Variants in GULP1 observed in about 807,000 individuals in gnomAD.
GULP1 encodes the protein GULP PTB domain containing engulfment adaptor 1.
Under a neutral mutation model 40.9 loss-of-function variants are expected in GULP1, and 19 were observed. That is an observed-to-expected ratio of 0.46 (90% CI 0.32 to 0.68). The LOEUF (loss-of-function observed/expected upper bound fraction) is 0.68, where lower values mean the gene tolerates loss of function less well. GULP1 is among the 30% of genes least tolerant of loss of function. GULP1 has a pLI of 0.03. For missense variants in GULP1, 312 were observed against 362.2 expected, an observed-to-expected ratio of 0.86 and a Z score of 1.12; for synonymous variants, 119 against 117.6, an observed-to-expected ratio of 1.01 and a Z score of -0.08.
chr2:188,442,746 G>A (rs2058046370), intron 2 of GULP1, among the ~76,000 whole-genome samples: 1 of 152,138 alleles, frequency 6.6e-6, no homozygotes, highest in African/African-American at 2.4e-5. Flanking sequence ...ACTAATAGCT[G>A]TTAATATCTT....
At chr2:188,400,003 AAGAT>A (rs879471149) in intron 2 of GULP1, among the ~76,000 whole-genome samples, 7 of 152,184 alleles carry the variant, frequency 4.6e-5, no homozygotes, top group African/African-American at 7.2e-5. Flanking sequence ...CAATAAGTCT[AAGAT>A]AGGAGGCATA....
chr2:188,538,393 A>G (rs531919724), intron 6 of GULP1, among the ~76,000 whole-genome samples: 4 of 152,192 alleles, frequency 2.6e-5, no homozygotes, highest in Non-Finnish European at 5.9e-5. Context: ...CTTAATGAAA[A>G]AGAAGCATCT....
intron 4 of GULP1, among the ~76,000 whole-genome samples, chr2:188,497,805 GT>G (rs1461037745): frequency 6.6e-6 from 1 of 151,886 alleles, no homozygotes; most frequent in Non-Finnish European, 1.5e-5. Context: ...CAAAGAAAAT[GT>G]TATGGTATAC....
intron 1 of GULP1, among the ~76,000 whole-genome samples, chr2:188,349,453 A>G (rs577864617): frequency 6.0e-4 from 92 of 152,270 alleles, no homozygotes; most frequent in African/African-American, 2.1e-3. Flanking sequence ...GTGTAGTGGC[A>G]TCTCTTTGTG....
In GULP1 at chr2:188,332,378, C is replaced by T. The variant is rs550459066; in HGVS notation, c.-172+40212C>T. ...CTAATTTTTGTATTTTTAGTAGAGACGAGGTTTCGCCATGTTGGCCAGGCT... is the reference window on the plus strand; with the variant it reads ...CTAATTTTTGTATTTTTAGTAGAGATGAGGTTTCGCCATGTTGGCCAGGCT... On this transcript the variant is annotated intron_variant, in intron 1 of 11. Transcript: ENST00000409830. Among the ~76,000 whole-genome samples the T allele has an allele frequency of 8.6e-5, 13 of 151,994 alleles. No homozygotes were observed. The South Asian group carries it at 1.7e-3, about 19-fold the overall frequency.
rs559113263 is a variant in GULP1 at position 188,558,619 on chromosome 2, G to A, written c.400-10620G>A. ...GGCAGAGGGTGGAACAGTTTGGAGG[G>A]CTCAGAAGAAGACAGGGAAATGTGG... On this transcript the variant is annotated intron_variant, in intron 7 of 11. Coordinates refer to ENST00000409830, the MANE Select transcript of GULP1 (RefSeq NM_016315.4). Among the ~76,000 whole-genome samples the A allele has an allele frequency of 2.2e-4, 33 of 152,276 alleles. 1 individual carries two copies. The South Asian group carries it at 4.8e-3, about 22-fold the overall frequency.
chr2:188,570,866 T>A (rs1265667532), intron 9 of GULP1, among the ~76,000 whole-genome samples: 1 of 152,162 alleles, frequency 6.6e-6, no homozygotes, highest in East Asian at 1.9e-4. Context: ...TTAAAAATAT[T>A]TAATATCTAT....
intron 4 of GULP1, among the ~76,000 whole-genome samples, chr2:188,498,318 G>A (rs535311949): frequency 1.2e-4 from 18 of 151,824 alleles, no homozygotes; most frequent in African/African-American, 3.9e-4. Context: ...CTGAGATAGG[G>A]GATAATGAGG....
intron 4 of GULP1, among the ~76,000 whole-genome samples, chr2:188,483,714 G>A (rs1201325125): frequency 3.9e-5 from 6 of 152,072 alleles, no homozygotes; most frequent in African/African-American, 1.4e-4. Flanking sequence ...AGTCAAACGT[G>A]TTTTCTTCAA....
At chr2:188,412,504 G>A (rs899957862) in intron 2 of GULP1, among the ~76,000 whole-genome samples, 1 of 152,046 alleles carries the variant, frequency 6.6e-6, no homozygotes, top group South Asian at 2.1e-4. Flanking sequence ...AATCATTGTT[G>A]TGTCCTCTGG....
intron 1 of GULP1, among the ~76,000 whole-genome samples, chr2:188,344,773 C>T (rs1016740450): frequency 6.6e-6 from 1 of 152,104 alleles, no homozygotes; most frequent in African/African-American, 2.4e-5. Context: ...AGATGTGACA[C>T]TCTTGGATTT....
chr2:188,478,253 T>C (rs975976086), intron 3 of GULP1, among the ~76,000 whole-genome samples: 1 of 152,142 alleles, frequency 6.6e-6, no homozygotes, highest in African/African-American at 2.4e-5. Flanking sequence ...TAGTATATTA[T>C]AGTGATCACT....
intron 1 of GULP1, among the ~76,000 whole-genome samples, chr2:188,376,397 T>C: frequency 6.6e-6 from 1 of 152,190 alleles, no homozygotes; most frequent in East Asian, 1.9e-4. Context: ...AAATATATAA[T>C]AATGACATTA....
intron 2 of GULP1, among the ~76,000 whole-genome samples, chr2:188,467,778 G>GA (rs1308701953): frequency 6.6e-6 from 1 of 151,994 alleles, no homozygotes; most frequent in Admixed American, 6.6e-5. Flanking sequence ...TAAAAGATAT[G>GA]AAAAAATAAA....
intron 2 of GULP1, among the ~76,000 whole-genome samples, chr2:188,386,785 G>A (rs2049819601): frequency 6.6e-6 from 1 of 151,996 alleles, no homozygotes; most frequent in Non-Finnish European, 1.5e-5. Flanking sequence ...ACTGATTAGT[G>A]TTTTCTCATT....
intron 1 of GULP1, among the ~76,000 whole-genome samples, chr2:188,367,058 A>T (rs945487207): frequency 6.6e-6 from 1 of 152,160 alleles, no homozygotes; most frequent in Non-Finnish European, 1.5e-5. Context: ...TTACCTTTAT[A>T]TGTAGTTAAA....
intron 1 of GULP1, chr2:188,294,249 A>G (rs1020703566): frequency 1.3e-5 from 2 of 152,212 alleles, no homozygotes; most frequent in Non-Finnish European, 2.9e-5. Context: ...TTCTACCTAA[A>G]TTGAATAATT....
At chr2:188,496,683 A>G (rs1195197261) in intron 4 of GULP1, among the ~76,000 whole-genome samples, 1 of 152,000 alleles carries the variant, frequency 6.6e-6, no homozygotes, top group Non-Finnish European at 1.5e-5. Context: ...GGAGTAAAAC[A>G]GACATTATAA....
chr2:188,417,787 T>G (rs1248537721), intron 2 of GULP1, among the ~76,000 whole-genome samples: 1 of 152,026 alleles, frequency 6.6e-6, no homozygotes, highest in Non-Finnish European at 1.5e-5. Context: ...TGTATTTTTT[T>G]ATTTGTATTT....
Sources: gnomAD v4.1 joint callset for allele counts (sites outside exome capture counted in the v4.1 genomes callset) on GRCh38, gnomAD v4.1.1 for gene constraint, MANE v1.5 for transcripts, NCBI Gene and HGNC (gene_info 2026-07-23, HGNC 2026-07-21) for gene names.